HSD17B3: variants seen among roughly 807,000 people sequenced by gnomAD.
The protein encoded by HSD17B3 is 17-beta-hydroxysteroid dehydrogenase type 3.
Under a neutral mutation model 41.1 loss-of-function variants are expected in HSD17B3, and 29 were observed. That is an observed-to-expected ratio of 0.71 (90% CI 0.53 to 0.96). The LOEUF is 0.96. HSD17B3 is among the 40% of genes least tolerant of loss of function. The probability of loss-of-function intolerance (pLI) is 0.00; values close to 1 mark genes in which losing one functional copy is unlikely to be tolerated. For synonymous variants in HSD17B3, 126 were observed against 145.6 expected (o/e 0.87, Z 0.97); for missense variants, 323 against 374.6 (o/e 0.86, Z 1.14).
intron 3 of HSD17B3, among the ~76,000 whole-genome samples, chr9:96,254,355 A>G (rs1157990528): frequency 6.6e-6 from 1 of 152,216 alleles, no homozygotes; most frequent in Non-Finnish European, 1.5e-5. Flanking sequence ...TTTTGAAGGG[A>G]GTGGCAGAAG....
intron 3 of HSD17B3, 82 bp downstream of exon 3, chr9:96,254,786 C>T: frequency 1.7e-6 from 2 of 1,208,012 alleles, no homozygotes; most frequent in South Asian, 1.2e-5. Flanking sequence ...TGTGGGGATG[C>T]CAAGTACATC....
chr9:96,298,382 A>G, intron 2 of HSD17B3, 34 bp downstream of exon 2: 6 of 1,575,132 alleles, frequency 3.8e-6, no homozygotes, highest in South Asian at 1.1e-5. Flanking sequence ...TGTTCAATAC[A>G]AGGGAGGAGA....
chr9:96,272,182 A>C (rs1306569967), intron 2 of HSD17B3, among the ~76,000 whole-genome samples: 2 of 151,260 alleles, frequency 1.3e-5, no homozygotes, highest in Non-Finnish European at 2.9e-5. Context: ...CAGCCTGGCC[A>C]ACATGGTGAA....
At chr9:96,239,575 T>G (rs1026383993) in intron 10 of HSD17B3, 19 of 152,220 alleles carry the variant, frequency 1.2e-4, no homozygotes, top group African/African-American at 4.6e-4. Context: ...GCCAGAGTCT[T>G]TAAGTCCCAG....
In HSD17B3 at chr9:96,277,167, C is replaced by G. The variant is rs970749703; in HGVS notation, c.201+21249G>C. 3.3e-5 allele frequency among the ~76,000 whole-genome samples: 5 copies of G among 149,582 alleles called. No homozygotes were observed. In the Admixed American group the frequency reaches 3.4e-4, roughly 10 times the overall value. On this transcript the variant is annotated intron_variant, in intron 2 of 10. Transcript: ENST00000375263. ...AGTGAGCCGAGATCACACCACTGCA[C>G]TCCAGCCTGGGCGACAGAGCAAGAC...
chr9:96,276,107 TAAAAAAAAAAA>T (rs57386167), intron 2 of HSD17B3, among the ~76,000 whole-genome samples: 8 of 41,152 alleles, frequency 1.9e-4, no homozygotes, highest in Admixed American at 4.0e-4. Flanking sequence ...TCCTGTCTCA[TAAAAAAAAAAA>T]AAAAAAAAAA....
At chr9:96,277,542 T>G (rs190043512) in intron 2 of HSD17B3, among the ~76,000 whole-genome samples, 155 of 152,276 alleles carry the variant, frequency 1.0e-3, no homozygotes, top group African/African-American at 2.7e-3. Context: ...CCTGTTAGAA[T>G]AGCTACTATA....
At position 96,252,917 on chromosome 9, in the gene HSD17B3, G is replaced by A. The variant is rs372668960; in HGVS notation, c.278-7C>T. 1.0e-5 allele frequency: 16 copies of A among 1,571,150 alleles called. No homozygotes were observed. Among genetic ancestry groups the A allele is most frequent in the South Asian group, 2.2e-5 (2 of 90,182 alleles). ...CTCCTCCCTGTAGTCCGCTCTACAC[G>A]AGAGACAACAGTTTTTTTAATGAAC... On this transcript the variant is annotated splice_polypyrimidine_tract_variant and splice_region_variant and intron_variant, in intron 3 of 10. Coordinates refer to ENST00000375263, the MANE Select transcript of HSD17B3 (RefSeq NM_000197.2).
At chr9:96,269,789 A>G (rs556027654) in intron 2 of HSD17B3, among the ~76,000 whole-genome samples, 1 of 152,084 alleles carries the variant, frequency 6.6e-6, no homozygotes, top group Admixed American at 6.6e-5. Context: ...CTGTAATCCC[A>G]GCTATTCGGG....
intron 2 of HSD17B3, among the ~76,000 whole-genome samples, chr9:96,289,923 G>A (rs1011552922): frequency 8.5e-5 from 13 of 152,138 alleles, no homozygotes; most frequent in Non-Finnish European, 1.8e-4. Context: ...GGATGAATGG[G>A]CCTTGTTTTC....
chr9:96,244,451 A>G, intron 8 of HSD17B3, 57 bp from the exon 9 acceptor site: 1 of 1,550,186 alleles, frequency 6.5e-7, no homozygotes, highest in Non-Finnish European at 8.9e-7. Context: ...CGTCAGAGCC[A>G]ACTTCCTCTG....
intron 2 of HSD17B3, among the ~76,000 whole-genome samples, chr9:96,281,680 T>C (rs1826697154): frequency 6.6e-6 from 1 of 152,204 alleles, no homozygotes; most frequent in South Asian, 2.1e-4. Flanking sequence ...GGATTAGGCA[T>C]GTACAGCATT....
chr9:96,263,484 G>A (rs1180953626), intron 2 of HSD17B3, among the ~76,000 whole-genome samples: 3 of 151,892 alleles, frequency 2.0e-5, no homozygotes, highest in Admixed American at 1.3e-4. Context: ...TTGGGAGGCC[G>A]AAGCGGGTGG....
chr9:96,255,889 C>T (rs753446643), intron 2 of HSD17B3, among the ~76,000 whole-genome samples: 32 of 152,244 alleles, frequency 2.1e-4, no homozygotes, highest in Non-Finnish European at 4.0e-4. Flanking sequence ...CTCCAGAGGG[C>T]TGCGTGAAGG....
chr9:96,280,058 T>C (rs10990202), intron 2 of HSD17B3, among the ~76,000 whole-genome samples: 79,808 of 151,956 alleles, frequency 0.53, 21,279 homozygotes, highest in East Asian at 0.67. Context: ...CGTGAGCCAC[T>C]GTGCCCGGCC....
At chr9:96,279,032 A>G (rs1826584378) in intron 2 of HSD17B3, among the ~76,000 whole-genome samples, 1 of 152,250 alleles carries the variant, frequency 6.6e-6, no homozygotes, top group Admixed American at 6.5e-5. Flanking sequence ...TAGCTAAATC[A>G]CATGGCAGAA....
At chr9:96,266,140 G>C (rs898931671) in intron 2 of HSD17B3, among the ~76,000 whole-genome samples, 1 of 152,224 alleles carries the variant, frequency 6.6e-6, no homozygotes, top group African/African-American at 2.4e-5. Context: ...GTTAAGAGAG[G>C]AGAGTGAGCA....
chr9:96,278,935 G>A (rs1006890304), intron 2 of HSD17B3, among the ~76,000 whole-genome samples: 2 of 152,148 alleles, frequency 1.3e-5, no homozygotes. Flanking sequence ...CCAGCTCTCT[G>A]ACCCTTAGGC....
intron 2 of HSD17B3, among the ~76,000 whole-genome samples, chr9:96,261,171 G>A (rs1825842815): frequency 1.3e-5 from 2 of 150,032 alleles, no homozygotes; most frequent in Admixed American, 6.7e-5. Context: ...TAATGAGCAG[G>A]AGATTGTTGC....
Sources: gnomAD v4.1 joint callset for allele counts (sites outside exome capture counted in the v4.1 genomes callset) on GRCh38, gnomAD v4.1.1 for gene constraint, MANE v1.5 for transcripts, NCBI Gene and HGNC (gene_info 2026-07-23, HGNC 2026-07-21) for gene names.